The following IGF1R variants were observed in gnomAD, a reference collection of about 807,000 sequenced individuals.
IGF1R encodes insulin-like growth factor 1 receptor.
Under a neutral mutation model 144.6 loss-of-function variants are expected in IGF1R, and 44 were observed. The observed-to-expected ratio is 0.30, with a 90% confidence interval of 0.24 to 0.39. The LOEUF (loss-of-function observed/expected upper bound fraction) is 0.39, where lower values mean the gene tolerates loss of function less well. IGF1R is among the 10% of genes least tolerant of loss of function. The probability of loss-of-function intolerance (pLI) is 1.00; values close to 1 mark genes in which losing one functional copy is unlikely to be tolerated. For missense variants in IGF1R, 1,355 were observed against 1,833.7 expected, an observed-to-expected ratio of 0.74 and a Z score of 4.77; for synonymous variants, 795 against 722.8, an observed-to-expected ratio of 1.10 and a Z score of -1.60.
intron 2 of IGF1R, among the ~76,000 whole-genome samples, chr15:98,761,414 G>A (rs897463256): frequency 6.6e-6 from 1 of 152,230 alleles, no homozygotes; most frequent in Admixed American, 6.5e-5. Context: ...GATGGACATG[G>A]ACGGGGAAGC....
chr15:98,917,116 G>A (rs2015289148), intron 10 of IGF1R, among the ~76,000 whole-genome samples: 1 of 152,186 alleles, frequency 6.6e-6, no homozygotes. Context: ...GACAGGTACT[G>A]CTGTCTCAGC....
rs1596317921 is a variant in IGF1R at position 98,805,289 on chromosome 15, C to A, written c.641-86036C>A. On this transcript the variant is annotated intron_variant, in intron 2 of 20. Coordinates refer to ENST00000650285, the MANE Select transcript of IGF1R (RefSeq NM_000875.5). ...AATTCTGATAGGTCTTATTCTCCTC[C>A]CCATCCCACACGCTGATTTTTTTTT... Among the ~76,000 whole-genome samples the A allele has an allele frequency of 4.6e-5, 7 of 152,232 alleles. No homozygotes were observed. In the South Asian group the frequency reaches 1.5e-3, roughly 32 times the overall value.
chr15:98,653,970 A>G (rs2052427968), intron 1 of IGF1R, among the ~76,000 whole-genome samples: 1 of 152,236 alleles, frequency 6.6e-6, no homozygotes. Context: ...CACCTACTGT[A>G]TGAAAGCTGA....
In IGF1R at chr15:98,878,688, AAAAAAAACAAC is replaced by A. The variant is rs1163443425; in HGVS notation, c.641-12634_641-12624del. On this transcript the variant is annotated intron_variant, in intron 2 of 20. Coordinates refer to ENST00000650285, the MANE Select transcript of IGF1R (RefSeq NM_000875.5). ...CAAAAAAAAAAAAAAAAAAAAAAAA[AAAAAAAACAAC>A]AACAAAAAAAAGGCCAGGCACGGTG... is the stretch of plus-strand genomic sequence containing the variant. Among the ~76,000 whole-genome samples, 92 of 139,484 alleles carry A rather than the reference AAAAAAAACAAC, an allele frequency of 6.6e-4. 3 individuals carry two copies. Among genetic ancestry groups the A allele is most frequent in the African/African-American group, 2.7e-3 (88 of 32,980 alleles). 91.5% of individuals were successfully genotyped at this position (139,484 alleles called of 152,430 possible).
At chr15:98,699,242 G>C (rs1160132335) in intron 1 of IGF1R, among the ~76,000 whole-genome samples, 1 of 152,174 alleles carries the variant, frequency 6.6e-6, no homozygotes, top group South Asian at 2.1e-4. Context: ...TGCACAGTGG[G>C]TGCTAGGTGG....
At chr15:98,763,039 C>G (rs2055345523) in intron 2 of IGF1R, among the ~76,000 whole-genome samples, 1 of 65,882 alleles carries the variant, frequency 1.5e-5, no homozygotes, top group Non-Finnish European at 3.8e-5. Context: ...AGCTAGGTTC[C>G]ATCTCAAAAA....
In IGF1R at chr15:98,704,565, A is replaced by G. The variant is rs901072383; in HGVS notation, c.95-2997A>G. On this transcript the variant is annotated intron_variant, in intron 1 of 20. Coordinates refer to ENST00000650285, the MANE Select transcript of IGF1R (RefSeq NM_000875.5). This position sits in a 1 kb window ranked among gnomAD's most constrained non-coding sequence, Gnocchi z 4.9. ...TAGTGGCTCAGATCAGAGCTAAAGT[A>G]GTGGAGACACACAGACATTGAAAGA... Among the ~76,000 whole-genome samples, 11 of 152,190 alleles carry G rather than the reference A, an allele frequency of 7.2e-5. No individual in the cohort carries two copies. Among genetic ancestry groups the G allele is most frequent in the African/African-American group, 2.7e-4 (11 of 41,454 alleles).
intron 2 of IGF1R, among the ~76,000 whole-genome samples, chr15:98,885,391 C>T (rs1461653319): frequency 6.6e-6 from 1 of 152,236 alleles, no homozygotes; most frequent in African/African-American, 2.4e-5. Context: ...CGCTTGCCCT[C>T]ACCCCTCTCC....
chr15:98,792,218 T>C (rs1831130079), intron 2 of IGF1R, among the ~76,000 whole-genome samples: 1 of 152,212 alleles, frequency 6.6e-6, no homozygotes, highest in South Asian at 2.1e-4. Context: ...GAAAGTTTGA[T>C]GGTAGAGTAT....
chr15:98,831,878 G>C (rs1036155326), intron 2 of IGF1R, among the ~76,000 whole-genome samples: 56 of 152,118 alleles, frequency 3.7e-4, no homozygotes, highest in African/African-American at 1.3e-3. Flanking sequence ...GTGGATGGCA[G>C]GGTGCAATTG....
chr15:98,731,402 T>C (rs2054493648), intron 2 of IGF1R, among the ~76,000 whole-genome samples: 1 of 152,224 alleles, frequency 6.6e-6, no homozygotes, highest in South Asian at 2.1e-4. Context: ...ATAGCATTTT[T>C]AAAAGGGTTC....
intron 2 of IGF1R, among the ~76,000 whole-genome samples, chr15:98,798,653 G>A (rs897524514): frequency 1.3e-4 from 20 of 152,128 alleles, no homozygotes; most frequent in Admixed American, 1.2e-3. Context: ...GTGCACACAG[G>A]ATGCACGTGG....
chr15:98,652,548 CATA>C (rs1403142191), intron 1 of IGF1R, among the ~76,000 whole-genome samples: 1 of 152,268 alleles, frequency 6.6e-6, no homozygotes, highest in Non-Finnish European at 1.5e-5. Context: ...TGTAAAAGGT[CATA>C]ATGTTTGATT....
intron 20 of IGF1R, chr15:98,952,842 C>T (rs567893639): frequency 1.4e-4 from 21 of 152,250 alleles, no homozygotes; most frequent in African/African-American, 2.6e-4. Flanking sequence ...GCTTTGCCAT[C>T]GAGAATTTTT....
chr15:98,783,008 G>A (rs1409397499), intron 2 of IGF1R, among the ~76,000 whole-genome samples: 1 of 152,182 alleles, frequency 6.6e-6, no homozygotes, highest in Non-Finnish European at 1.5e-5. Flanking sequence ...TTCTACATCT[G>A]GATGGCCCAA....
intron 2 of IGF1R, among the ~76,000 whole-genome samples, chr15:98,817,529 G>A (rs1198159325): frequency 2.0e-5 from 3 of 151,000 alleles, no homozygotes; most frequent in African/African-American, 7.4e-5. Context: ...TGAAAAGGTG[G>A]CATTTAGACT....
rs2053885970 is a variant in IGF1R, at chr15:98,707,196, CGGACCA to C, written c.95-362_95-357del. Reference sequence around the variant, plus strand: ...CCTTGGCAACTGACGCTCTGCAGAACGGACCAGGAGTGTGCGGTGGTGGAGTCCGGC... The same window carrying C: ...CCTTGGCAACTGACGCTCTGCAGAACGGAGTGTGCGGTGGTGGAGTCCGGC... On this transcript the variant is annotated intron_variant, in intron 1 of 20. Transcript: ENST00000650285. This position sits in a 1 kb window ranked among gnomAD's most constrained non-coding sequence, Gnocchi z 6.7. 6.6e-6 allele frequency among the ~76,000 whole-genome samples: 1 copy of C among 152,160 alleles called. No homozygotes were observed. The highest frequency in any genetic ancestry group is 2.4e-5 in the African/African-American group (1 of 41,430).
chr15:98,879,914 A>G (rs1235720322), intron 2 of IGF1R, among the ~76,000 whole-genome samples: 1 of 152,242 alleles, frequency 6.6e-6, no homozygotes, highest in East Asian at 1.9e-4. Flanking sequence ...TTCATGTAAA[A>G]TATCCAGAAT....
At chr15:98,803,498 T>TTATATTTATTTATTTATTTA (rs2056405074) in intron 2 of IGF1R, among the ~76,000 whole-genome samples, 1 of 144,610 alleles carries the variant, frequency 6.9e-6, no homozygotes. Flanking sequence ...GAATATTACA[T>TTATATTTATTTATTTATTTA]TTTATTTATT....
Sources: allele counts gnomAD v4.1 joint callset (sites outside exome capture counted in the v4.1 genomes callset), GRCh38; gene constraint gnomAD v4.1.1; non-coding constraint Gnocchi (gnomAD v3.1); transcripts MANE v1.5; gene names NCBI Gene and HGNC (gene_info 2026-07-23, HGNC 2026-07-21).